CDH12: variants seen among roughly 807,000 people sequenced by gnomAD.
CDH12 encodes the protein cadherin 12, also known as cadherin-12.
In CDH12, 41 loss-of-function variants were observed where a neutral mutation model predicts 74.1. The observed-to-expected ratio is 0.55, with a 90% CI of 0.43 to 0.72. The LOEUF is 0.72. Ranked by LOEUF, CDH12 falls within the 30% of genes least tolerant of loss-of-function variation. The probability of loss-of-function intolerance (pLI) is 0.00; values close to 1 mark genes in which losing one functional copy is unlikely to be tolerated. For missense variants in CDH12, 945 were observed against 977.2 expected (o/e 0.97, Z 0.44); for synonymous variants, 399 against 355.0 (o/e 1.12, Z -1.39).
At chr5:22,754,569 CAAAAAA>C (rs72233503) in intron 1 of CDH12, among the ~76,000 whole-genome samples, 40 of 132,040 alleles carry the variant, frequency 3.0e-4, no homozygotes, top group Admixed American at 2.7e-3. Flanking sequence ...GGAAAGCAGA[CAAAAAA>C]AAAAAAAAAA....
intron 3 of CDH12, among the ~76,000 whole-genome samples, chr5:22,261,094 A>T (rs1753493798): frequency 6.6e-6 from 1 of 151,502 alleles, no homozygotes; most frequent in Admixed American, 6.6e-5. Flanking sequence ...TAATCAAGGG[A>T]CATTAAAACA....
At chr5:22,549,966 C>T (rs1267521732) in intron 1 of CDH12, among the ~76,000 whole-genome samples, 5 of 152,164 alleles carry the variant, frequency 3.3e-5, no homozygotes, top group Non-Finnish European at 4.4e-5. Flanking sequence ...ATTGGATTCA[C>T]GAAATTACCT....
chr5:21,940,353 C>T (rs1432472638), intron 6 of CDH12, among the ~76,000 whole-genome samples: 1 of 152,166 alleles, frequency 6.6e-6, no homozygotes, highest in Non-Finnish European at 1.5e-5. Context: ...GGTGAGTCTA[C>T]TTTTGTTTAA....
intron 7 of CDH12, among the ~76,000 whole-genome samples, chr5:21,843,573 G>T (rs977742035): frequency 6.6e-6 from 1 of 150,790 alleles, no homozygotes; most frequent in African/African-American, 2.5e-5. Context: ...GGAGTGCAAT[G>T]GTGCAATCTG....
intron 1 of CDH12, among the ~76,000 whole-genome samples, chr5:22,540,482 T>C (rs1436370384): frequency 6.6e-6 from 1 of 152,158 alleles, no homozygotes; most frequent in Non-Finnish European, 1.5e-5. Flanking sequence ...TTAGTAGTTT[T>C]ATGTTATAAT....
chr5:22,363,274 C>G (rs1740897579), intron 3 of CDH12, among the ~76,000 whole-genome samples: 1 of 152,008 alleles, frequency 6.6e-6, no homozygotes, highest in Non-Finnish European at 1.5e-5. Context: ...TATCATTATG[C>G]AAAACAAATG....
chr5:22,413,838 T>C (rs1450539371), intron 2 of CDH12, among the ~76,000 whole-genome samples: 1 of 152,026 alleles, frequency 6.6e-6, no homozygotes, highest in East Asian at 1.9e-4. Context: ...TTAATGTCAC[T>C]ATTTTGGAGA....
intron 1 of CDH12, among the ~76,000 whole-genome samples, chr5:22,542,323 C>A (rs769823521): frequency 1.1e-4 from 17 of 152,160 alleles, no homozygotes; most frequent in Admixed American, 2.0e-4. Flanking sequence ...CCCTGAAATC[C>A]AACATATAAC....
chr5:22,656,658 T>C (rs904091235), intron 1 of CDH12, among the ~76,000 whole-genome samples: 1 of 152,226 alleles, frequency 6.6e-6, no homozygotes, highest in African/African-American at 2.4e-5. Context: ...GTCTACCTTG[T>C]GGACTTAGTA....
intron 1 of CDH12, among the ~76,000 whole-genome samples, chr5:22,833,117 T>C (rs897190105): frequency 5.9e-5 from 9 of 152,304 alleles, no homozygotes; most frequent in South Asian, 2.1e-4. Context: ...GGTAGATATC[T>C]AGTGGTTTGA....
At chr5:21,868,586 C>G (rs1012452662) in intron 6 of CDH12, among the ~76,000 whole-genome samples, 2 of 152,084 alleles carry the variant, frequency 1.3e-5, no homozygotes, top group Non-Finnish European at 2.9e-5. Flanking sequence ...TGTTGTTTAC[C>G]CTGTTGGGCT....
chr5:22,351,269 A>G lies in CDH12; in HGVS notation c.-333+53988T>C, dbSNP rs1318250913. The stretch of plus-strand genomic sequence containing the variant: ...TTTGGGTACTTCAGATTGACAAACA[A>G]TGGAAGCAAATAAGAAAGAAGTAAG... On this transcript the variant is annotated intron_variant, in intron 3 of 14. Transcript: ENST00000382254. Among the ~76,000 whole-genome samples, 11 of 152,320 alleles carry G rather than the reference A, an allele frequency of 7.2e-5. No homozygotes were observed. The East Asian group carries it at 1.9e-3, about 27-fold the overall frequency.
chr5:22,448,228 A>T (rs1744905206), intron 2 of CDH12, among the ~76,000 whole-genome samples: 1 of 151,846 alleles, frequency 6.6e-6, no homozygotes, highest in Non-Finnish European at 1.5e-5. Context: ...ACAAAAGTTT[A>T]AAAACATTTT....
chr5:22,015,201 T>C (rs536282464), intron 5 of CDH12, among the ~76,000 whole-genome samples: 112 of 152,294 alleles, frequency 7.4e-4, no homozygotes, highest in Non-Finnish European at 1.3e-3. Flanking sequence ...TTCTACATCG[T>C]TGGAAAAAGG....
At chr5:22,848,727 C>T (rs1284414845) in intron 1 of CDH12, among the ~76,000 whole-genome samples, 1 of 152,104 alleles carries the variant, frequency 6.6e-6, no homozygotes, top group Non-Finnish European at 1.5e-5. Context: ...TCTAGCTTGG[C>T]AATTATTTTA....
At chr5:22,468,923 T>G (rs1314986426) in intron 2 of CDH12, among the ~76,000 whole-genome samples, 1 of 152,238 alleles carries the variant, frequency 6.6e-6, no homozygotes, top group Non-Finnish European at 1.5e-5. Context: ...TCTATGTTCC[T>G]TTCACACAAT....
At chr5:22,590,322 A>G (rs971921609) in intron 1 of CDH12, among the ~76,000 whole-genome samples, 6 of 152,138 alleles carry the variant, frequency 3.9e-5, no homozygotes, top group Admixed American at 1.3e-4. Context: ...TTAAAAGTAC[A>G]AACCTTATAC....
intron 1 of CDH12, among the ~76,000 whole-genome samples, chr5:22,559,252 T>A (rs1346338177): frequency 6.6e-6 from 1 of 151,922 alleles, no homozygotes; most frequent in Non-Finnish European, 1.5e-5. Context: ...CTCAATAAAA[T>A]GAAAATCAAA....
intron 2 of CDH12, among the ~76,000 whole-genome samples, chr5:22,435,609 GATGATA>G (rs1281622192): frequency 3.3e-5 from 5 of 151,628 alleles, no homozygotes; most frequent in African/African-American, 1.2e-4. Flanking sequence ...TTAAAACAAA[GATGATA>G]ATAGCCCTTT....
Sources: allele counts gnomAD v4.1 joint callset (sites outside exome capture counted in the v4.1 genomes callset), GRCh38; gene constraint gnomAD v4.1.1; transcripts MANE v1.5; gene names NCBI Gene and HGNC (gene_info 2026-07-23, HGNC 2026-07-21).